GRIK1: variants seen among roughly 807,000 people sequenced by gnomAD.
The protein encoded by GRIK1 is glutamate ionotropic receptor kainate type subunit 1.
Under a neutral mutation model 105.7 loss-of-function variants are expected in GRIK1, and 69 were observed. That is an observed-to-expected ratio of 0.65 (90% CI 0.54 to 0.80). The LOEUF is 0.80. Among genes scored for constraint, GRIK1 ranks in the 30% least tolerant of loss-of-function variants. The pLI is 0.00. For missense variants in GRIK1, 1,109 were observed against 1,167.3 expected, an observed-to-expected ratio of 0.95 and a Z score of 0.73; for synonymous variants, 438 against 431.3, an observed-to-expected ratio of 1.02 and a Z score of -0.19.
intron 3 of GRIK1, among the ~76,000 whole-genome samples, chr21:29,679,088 T>C (rs1427219008): frequency 6.6e-6 from 1 of 152,214 alleles, no homozygotes; most frequent in Non-Finnish European, 1.5e-5. Flanking sequence ...GAGTTAATCA[T>C]CTATTTAGGA....
rs1023036213 is a variant in GRIK1 at position 29,770,897 on chromosome 21, A to G, written c.119-76834T>C. Among the ~76,000 whole-genome samples the G allele has an allele frequency of 2.0e-5, 3 of 152,236 alleles. No homozygotes were observed. In the South Asian group the frequency reaches 6.2e-4, roughly 31 times the overall value. ...TAGTGTCACCTTATTTCAGTATGAA[A>G]CAGAAAACAGTGATGTTCTTATTAT... On this transcript the variant is annotated intron_variant, in intron 1 of 17. Coordinates refer to ENST00000327783, the MANE Select transcript of GRIK1 (RefSeq NM_001330994.2).
At chr21:29,620,637 C>T (rs1443328207) in intron 7 of GRIK1, among the ~76,000 whole-genome samples, 1 of 149,396 alleles carries the variant, frequency 6.7e-6, no homozygotes, top group Non-Finnish European at 1.5e-5. Context: ...GAGATACCAG[C>T]AATTTGCCTT....
chr21:29,758,876 A>C (rs112323028), intron 1 of GRIK1: 1 of 152,992 alleles, frequency 6.5e-6, no homozygotes, highest in Non-Finnish European at 1.5e-5. Context: ...AGCAAAAGGG[A>C]TGCCTTTGAT....
intron 11 of GRIK1, 34 bp from the exon 12 acceptor site, chr21:29,587,623 C>A: frequency 7.6e-7 from 1 of 1,309,524 alleles, no homozygotes; most frequent in South Asian, 1.2e-5. Flanking sequence ...TCAGCTTAGT[C>A]TAGTTTCTTT....
At chr21:29,586,935 C>G (rs1193307129) in intron 12 of GRIK1, among the ~76,000 whole-genome samples, 1 of 152,080 alleles carries the variant, frequency 6.6e-6, no homozygotes, top group African/African-American at 2.4e-5. Flanking sequence ...AATCTTTTTA[C>G]TCCACTGTTT....
chr21:29,725,324 G>T (rs1328710854), intron 1 of GRIK1, among the ~76,000 whole-genome samples: 1 of 152,152 alleles, frequency 6.6e-6, no homozygotes, highest in African/African-American at 2.4e-5. Context: ...TTGGGGAAAA[G>T]GACAAGTGAC....
intron 1 of GRIK1, among the ~76,000 whole-genome samples, chr21:29,826,298 A>G: frequency 6.6e-6 from 1 of 152,154 alleles, no homozygotes; most frequent in East Asian, 1.9e-4. Flanking sequence ...CAAGGTGGGT[A>G]TGAGGGTTAC....
intron 1 of GRIK1, among the ~76,000 whole-genome samples, chr21:29,860,737 A>T (rs187927569): frequency 6.6e-6 from 1 of 152,304 alleles, no homozygotes; most frequent in African/African-American, 2.4e-5. Context: ...AAAAAAATTT[A>T]AATTGTAGAG....
intron 1 of GRIK1, among the ~76,000 whole-genome samples, chr21:29,833,789 A>G (rs976982305): frequency 6.6e-6 from 1 of 152,070 alleles, no homozygotes. Flanking sequence ...TCTCTCAACA[A>G]GGTGGCTCCC....
chr21:29,750,432 G>A (rs895491983), intron 1 of GRIK1, among the ~76,000 whole-genome samples: 5 of 152,246 alleles, frequency 3.3e-5, no homozygotes, highest in African/African-American at 9.6e-5. Flanking sequence ...ACGACAGGAG[G>A]CATCTGGTAG....
intron 15 of GRIK1, among the ~76,000 whole-genome samples, chr21:29,556,936 G>A (rs1487522708): frequency 6.6e-6 from 1 of 152,206 alleles, no homozygotes; most frequent in Non-Finnish European, 1.5e-5. Flanking sequence ...AAACTTAAGA[G>A]TAGGTTTTGA....
chr21:29,596,740 G>C lies in GRIK1; in HGVS notation c.1207-170C>G, dbSNP rs1043215001. The C allele has an allele frequency of 5.2e-5, 32 of 617,804 alleles. No individual in the cohort carries two copies. In the East Asian group the frequency reaches 8.5e-4, roughly 16 times the overall value. The allele number at this position is 617,804 out of a possible 1,614,324, so 38.3% of individuals were successfully genotyped here. A position where few individuals can be genotyped will look rare whatever the true frequency, so the allele number is the denominator to read the frequency against. On this transcript the variant is annotated intron_variant, in intron 8 of 17. Coordinates refer to ENST00000327783, the MANE Select transcript of GRIK1 (RefSeq NM_001330994.2). ...AGCCTGACAATAGGTACAGCAAAGA[G>C]ACGAATCAAGACTTGGGTCTCACAG...
rs200775060 is a variant in GRIK1, at chr21:29,655,521, ATATG to A, written c.727-662_727-659del. ...TGTCTGAGCCATCTCATACTTAGAAATATGTATTTCATTGATCTCCCTACTTACG... is the reference window on the plus strand; with the variant it reads ...TGTCTGAGCCATCTCATACTTAGAAATATTTCATTGATCTCCCTACTTACG... On this transcript the variant is annotated intron_variant, in intron 4 of 17. Transcript: ENST00000327783. 5.9e-5 allele frequency among the ~76,000 whole-genome samples: 9 copies of A among 152,196 alleles called. No individual in the cohort carries two copies. In the East Asian group the frequency reaches 1.7e-3, roughly 29 times the overall value.
chr21:29,795,192 C>G (rs540775149), intron 1 of GRIK1, among the ~76,000 whole-genome samples: 1 of 151,614 alleles, frequency 6.6e-6, no homozygotes, highest in Non-Finnish European at 1.5e-5. Context: ...CCTGCCACCA[C>G]GCCCGGCTAA....
intron 13 of GRIK1, among the ~76,000 whole-genome samples, chr21:29,580,409 T>C (rs1026887580): frequency 2.0e-5 from 3 of 152,066 alleles, no homozygotes; most frequent in Non-Finnish European, 4.4e-5. Flanking sequence ...ACACAAACCA[T>C]ACTTAATTGC....
At position 29,642,939 on chromosome 21, in the gene GRIK1, A is replaced by G. The variant is rs1196725321; in HGVS notation, c.985T>C (p.Tyr329His). ...TEAALMYDAV[Y>H]MVAIASHRAS... Reference sequence around the variant, plus strand: ...CGGTGCGAGGCAATGGCCACCATGTACACAGCATCGTACATCAGAGCCGCT... The same window carrying G: ...CGGTGCGAGGCAATGGCCACCATGTGCACAGCATCGTACATCAGAGCCGCT... Residue 329 changes from tyrosine to histidine, a missense_variant, in exon 7 of 18, where the codon TAC (tyrosine) becomes CAC (histidine). Tyr to His is a moderately conservative substitution (Grantham distance 83). Transcript: ENST00000327783. 3 of 1,614,022 alleles carry G rather than the reference A, an allele frequency of 1.9e-6. No individual in the cohort carries two copies. Among genetic ancestry groups the G allele is most frequent in the Non-Finnish European group, 2.5e-6 (3 of 1,179,954 alleles).
chr21:29,928,569 A>C (rs964231431), intron 1 of GRIK1, among the ~76,000 whole-genome samples: 1 of 152,248 alleles, frequency 6.6e-6, no homozygotes, highest in African/African-American at 2.4e-5. Flanking sequence ...AGAGCCTGAG[A>C]TAACCAGCAG....
chr21:29,707,466 C>CCCTCCCTCCCTA (rs2063944616), intron 1 of GRIK1, among the ~76,000 whole-genome samples: 1 of 15,414 alleles, frequency 6.5e-5, no homozygotes, highest in Non-Finnish European at 2.1e-4. Context: ...CTCCCTCCCT[C>CCCTCCCTCCCTA]CCTCCCTCTC....
At chr21:29,883,266 C>G (rs1026807238) in intron 1 of GRIK1, among the ~76,000 whole-genome samples, 3 of 152,036 alleles carry the variant, frequency 2.0e-5, no homozygotes, top group Non-Finnish European at 4.4e-5. Context: ...ACTTTATAAA[C>G]TCTTGTGGTT....
Sources: allele counts gnomAD v4.1 joint callset (sites outside exome capture counted in the v4.1 genomes callset), GRCh38; gene constraint gnomAD v4.1.1; transcripts MANE v1.5; gene names NCBI Gene and HGNC (gene_info 2026-07-23, HGNC 2026-07-21).